Variants in FAT1 observed in about 807,000 individuals in gnomAD.
FAT1 encodes the protein protocadherin Fat 1.
Under a neutral mutation model 329.8 loss-of-function variants are expected in FAT1, and 171 were observed. That is an observed-to-expected ratio of 0.52 (90% CI 0.46 to 0.59). The LOEUF (loss-of-function observed/expected upper bound fraction) is 0.59, where lower values mean the gene tolerates loss of function less well. Ranked by LOEUF, FAT1 falls within the 20% of genes least tolerant of loss-of-function variation. The pLI, the probability that FAT1 is intolerant of heterozygous loss-of-function variation, is 0.00. For synonymous variants in FAT1, 2,233 were observed against 2,228.6 expected, an observed-to-expected ratio of 1.00 and a Z score of -0.06; for missense variants, 5,672 against 5,774.4, an observed-to-expected ratio of 0.98 and a Z score of 0.57.
chr4:186,648,345 AAACTT>A (rs1741476916), intron 3 of FAT1, among the ~76,000 whole-genome samples: 1 of 152,218 alleles, frequency 6.6e-6, no homozygotes, highest in African/African-American at 2.4e-5. Context: ...GCTGAAAACT[AAACTT>A]AGGCTGGAAA....
chr4:186,675,085 T>C (rs1033767259), intron 2 of FAT1, among the ~76,000 whole-genome samples: 2 of 152,060 alleles, frequency 1.3e-5, no homozygotes, highest in African/African-American at 4.8e-5. Flanking sequence ...AACTGAAATA[T>C]ACTAGGTGTA....
At chr4:186,685,232 C>T (rs537514423) in intron 2 of FAT1, among the ~76,000 whole-genome samples, 10 of 152,166 alleles carry the variant, frequency 6.6e-5, no homozygotes, top group Non-Finnish European at 1.5e-4. Flanking sequence ...AAGAATAAGT[C>T]TTACATTTCA....
intron 1 of FAT1, among the ~76,000 whole-genome samples, chr4:186,716,946 GC>G (rs1745234359): frequency 6.6e-6 from 1 of 152,038 alleles, no homozygotes; most frequent in Admixed American, 6.6e-5. Flanking sequence ...ACCATGACCA[GC>G]TAACTTTTGT....
intron 7 of FAT1, among the ~76,000 whole-genome samples, chr4:186,630,680 A>G (rs1740542078): frequency 6.6e-6 from 1 of 152,058 alleles, no homozygotes; most frequent in South Asian, 2.1e-4. Context: ...TCACCTCATC[A>G]ACCTTCCTAA....
intron 26 of FAT1, among the ~76,000 whole-genome samples, chr4:186,591,353 T>G (rs770456033): frequency 2.0e-5 from 3 of 152,214 alleles, no homozygotes; most frequent in South Asian, 2.1e-4. Flanking sequence ...TTCTAGAAAT[T>G]TCAGTAATTT....
chr4:186,624,029 G>A (rs560702056), intron 9 of FAT1, among the ~76,000 whole-genome samples: 77 of 152,136 alleles, frequency 5.1e-4, no homozygotes, highest in Non-Finnish European at 9.7e-4. Flanking sequence ...AAGCAGCATC[G>A]TGTTTATGTG....
At chr4:186,626,284 T>G (rs368523534) in intron 9 of FAT1, among the ~76,000 whole-genome samples, 2 of 92,146 alleles carry the variant, frequency 2.2e-5, no homozygotes, top group African/African-American at 4.5e-5. Flanking sequence ...GTGAGCTTCA[T>G]CAGCCTACAG....
At chr4:186,681,978 A>G (rs1743230345) in intron 2 of FAT1, among the ~76,000 whole-genome samples, 1 of 152,204 alleles carries the variant, frequency 6.6e-6, no homozygotes, top group Non-Finnish European at 1.5e-5. Context: ...GTAAAGACTA[A>G]CCAAGTTCAA....
intron 4 of FAT1, 88 bp from the exon 5 acceptor site, chr4:186,637,002 G>A (rs989149338): frequency 1.9e-5 from 23 of 1,188,484 alleles, no homozygotes; most frequent in South Asian, 1.0e-4. Context: ...CCGCATGTGT[G>A]TAAAGCTCTG....
intron 26 of FAT1, among the ~76,000 whole-genome samples, chr4:186,593,159 T>C (rs1318455181): frequency 1.3e-5 from 2 of 152,120 alleles, no homozygotes; most frequent in Admixed American, 6.5e-5. Flanking sequence ...CACTCACACA[T>C]TGTCCCCCAA....
At position 186,599,884 on chromosome 4, in the gene FAT1, A is replaced by G; in HGVS notation, c.12103+14T>C. 1 of 1,596,360 alleles carries G rather than the reference A, an allele frequency of 6.3e-7. No individual in the cohort carries two copies. The highest frequency in any genetic ancestry group is 2.2e-5 in the East Asian group (1 of 44,644). ...CGTGCAGCATTTTAAAGATGGCAAC[A>G]TTACGGAGCCCACCTCCAGCAGGTG... On this transcript the variant is annotated intron_variant, in intron 22 of 26. Coordinates refer to ENST00000441802, the MANE Select transcript of FAT1 (RefSeq NM_005245.4).
At chr4:186,682,532 A>AAAAAAAAAAAAAG (rs1743272751) in intron 2 of FAT1, among the ~76,000 whole-genome samples, 4 of 47,610 alleles carry the variant, frequency 8.4e-5, no homozygotes, top group African/African-American at 1.8e-4. Flanking sequence ...GTCTCAAAAA[A>AAAAAAAAAAAAAG]AAAAAAAAAA....
At chr4:186,605,659 G>A (rs895243370) in intron 17 of FAT1, among the ~76,000 whole-genome samples, 1 of 150,620 alleles carries the variant, frequency 6.6e-6, no homozygotes, top group Non-Finnish European at 1.5e-5. Flanking sequence ...AGAAGAGGTG[G>A]AGGGAGGAGG....
In FAT1 at chr4:186,604,369, A is replaced by AT; in HGVS notation, c.10548+7dup. The AT allele has an allele frequency of 6.2e-7, 1 of 1,609,030 alleles. No individual in the cohort carries two copies. ...CCACAACCAAACCACAAAGAAAGCC[A>AT]TTCATACCTTCACCTGCAGTAAGTA... On this transcript the variant is annotated splice_region_variant and intron_variant, in intron 18 of 26. Transcript: ENST00000441802.
intron 11 of FAT1, among the ~76,000 whole-genome samples, chr4:186,616,718 A>T (rs952044809): frequency 6.6e-6 from 1 of 152,256 alleles, no homozygotes; most frequent in East Asian, 1.9e-4. Flanking sequence ...GTATCCCCAT[A>T]TTAAGAGAAT....
In FAT1 at chr4:186,708,009, C is replaced by T. The variant is rs749728559; in HGVS notation, c.1819G>A (p.Glu607Lys). ...DELQLVQYQI[E>K]AGNELDFFSL... ...AAGAAATCCAGTTCATTTCCAGCTTCAATCTGATACTGTACCAACTGAAGT... is the reference window on the plus strand; with the variant it reads ...AAGAAATCCAGTTCATTTCCAGCTTTAATCTGATACTGTACCAACTGAAGT... Residue 607 changes from glutamate to lysine, a missense_variant, in exon 2 of 27, where the codon GAA becomes AAA. By Grantham distance (56) the Glu-to-Lys change is moderately conservative. Coordinates refer to ENST00000441802, the MANE Select transcript of FAT1 (RefSeq NM_005245.4). 18 of 1,613,806 alleles carry T rather than the reference C, an allele frequency of 1.1e-5. No homozygotes were observed. The highest frequency in any genetic ancestry group is 3.3e-5 in the Admixed American group (2 of 60,008).
At chr4:186,691,748 C>CAGTA (rs1320732334) in intron 2 of FAT1, among the ~76,000 whole-genome samples, 6 of 152,090 alleles carry the variant, frequency 3.9e-5, no homozygotes, top group African/African-American at 7.2e-5. Context: ...TTCAAGGCTG[C>CAGTA]AGTAAGCCCT....
intron 2 of FAT1, among the ~76,000 whole-genome samples, chr4:186,683,390 C>T (rs377670470): frequency 8.5e-5 from 13 of 152,152 alleles, no homozygotes; most frequent in African/African-American, 1.4e-4. Context: ...GGCACAGCAC[C>T]GTCTACCTTG....
Position 186,606,208 on chromosome 4 carries a change from T to C in FAT1, c.10212A>G (p.Ser3404=), listed in dbSNP as rs1372007816. Residue 3404 remains serine, a synonymous_variant, in exon 17 of 27, where the codon TCA becomes TCG. Transcript: ENST00000441802. The part of the protein sequence containing the change: ...VTKLLDRETI[S]GYTLTVQASD... Reference sequence around the variant, plus strand: ...AAGCTTGAACCGTGAGCGTGTAACCTGAAATCTTTTCAGGCAAAAGACAGA... The same window carrying C: ...AAGCTTGAACCGTGAGCGTGTAACCCGAAATCTTTTCAGGCAAAAGACAGA... The C allele has an allele frequency of 1.2e-6, 2 of 1,612,462 alleles. No homozygotes were observed. The highest frequency in any genetic ancestry group is 2.2e-5 in the South Asian group (2 of 90,774).
Sources: allele counts gnomAD v4.1 joint callset (sites outside exome capture counted in the v4.1 genomes callset), GRCh38; gene constraint gnomAD v4.1.1; transcripts MANE v1.5; gene names NCBI Gene and HGNC (gene_info 2026-07-23, HGNC 2026-07-21).